The following AZIN2 variants were observed in gnomAD, a reference collection of about 807,000 sequenced individuals.
The protein encoded by AZIN2 is antizyme inhibitor 2.
A neutral mutation model predicts 47.8 loss-of-function variants in AZIN2; 28 were observed. The ratio of observed to expected loss-of-function variants is 0.59; its 90% CI spans 0.43 to 0.80. The LOEUF is 0.80. AZIN2 is among the 30% of genes least tolerant of loss of function. The pLI is 0.00. For synonymous variants in AZIN2, 221 were observed against 239.4 expected, an observed-to-expected ratio of 0.92 and a Z score of 0.71; for missense variants, 535 against 582.5, an observed-to-expected ratio of 0.92 and a Z score of 0.84.
At chr1:33,087,107 C>T (rs1230236580) in intron 5 of AZIN2, among the ~76,000 whole-genome samples, 1 of 151,998 alleles carries the variant, frequency 6.6e-6, no homozygotes, top group Non-Finnish European at 1.5e-5. Flanking sequence ...TAGATAATCA[C>T]CAGGATGGTT....
chr1:33,092,077 G>T lies in AZIN2; in HGVS notation c.307G>T (p.Gly103Ter). The T allele has an allele frequency of 6.2e-7, 1 of 1,614,054 alleles. No individual in the cohort carries two copies. Among genetic ancestry groups the T allele is most frequent in the Non-Finnish European group, 8.5e-7 (1 of 1,179,978 alleles). Residue 103 changes from glycine (G) to a stop codon, truncating the protein, a stop_gained, in exon 6 of 12, where the codon GGA (glycine) becomes TGA (stop). Coordinates refer to ENST00000294517, the MANE Select transcript of AZIN2 (RefSeq NM_052998.4). LOFTEE classifies it high-confidence loss of function. ...AGAGATGGAGTTGGTCCAGCATATTGGAATCCCTGCCAGTAAGATCATCTG... is the reference window on the plus strand; with the variant it reads ...AGAGATGGAGTTGGTCCAGCATATTTGAATCCCTGCCAGTAAGATCATCTG... ...KAEMELVQHI[G>*]IPASKIICAN...
chr1:33,089,741 A>T (rs1274173102), intron 5 of AZIN2, among the ~76,000 whole-genome samples: 12 of 152,252 alleles, frequency 7.9e-5, no homozygotes, highest in Admixed American at 7.9e-4. Flanking sequence ...TGTAGCCAGT[A>T]AATATTTCAT....
the AZIN2 span, chr1:33,142,062 T>A: frequency 1.3e-5 from 2 of 152,308 alleles, no homozygotes; most frequent in Admixed American, 1.3e-4. Flanking sequence ...GAAATAACCG[T>A]GTCCTGATGG....
At chr1:33,109,875 A>T (rs1430635426) in intron 10 of AZIN2, among the ~76,000 whole-genome samples, 1 of 152,142 alleles carries the variant, frequency 6.6e-6, no homozygotes, top group Non-Finnish European at 1.5e-5. Context: ...CAAAACAGTG[A>T]TTATCCAAAT....
the AZIN2 span, among the ~76,000 whole-genome samples, chr1:33,148,498 A>T: frequency 1.3e-5 from 2 of 152,144 alleles, no homozygotes; most frequent in African/African-American, 2.4e-5. Flanking sequence ...GAGACAACCT[A>T]CCTGTATAGG....
At chr1:33,137,043 G>T in the AZIN2 span, among the ~76,000 whole-genome samples, 1 of 151,938 alleles carries the variant, frequency 6.6e-6, no homozygotes, top group African/African-American at 2.4e-5. Flanking sequence ...TGTTGGGAGT[G>T]GGGGAGTGAC....
intron 5 of AZIN2, among the ~76,000 whole-genome samples, chr1:33,088,881 C>A (rs1045957174): frequency 1.3e-5 from 2 of 152,214 alleles, no homozygotes; most frequent in Non-Finnish European, 2.9e-5. Flanking sequence ...CAGCTCTTAA[C>A]CACTTGTAAT....
chr1:33,119,873 C>A, intron 11 of AZIN2, 171 bp from the exon 12 acceptor site: 1 of 776,078 alleles, frequency 1.3e-6, no homozygotes, highest in Admixed American at 2.7e-5. Flanking sequence ...GGGTGGGGAC[C>A]ACACGGGAGT....
At chr1:33,159,932 T>C in the AZIN2 span, 2 of 1,604,284 alleles carry the variant, frequency 1.2e-6, no homozygotes, top group East Asian at 2.2e-5. This position sits in a 1 kb window ranked among gnomAD's most constrained non-coding sequence, Gnocchi z 4.2. Flanking sequence ...GTCCGCAGGC[T>C]CTTGGTGGAA....
chr1:33,121,968 G>T lies in AZIN2; in HGVS notation c.*1786G>T, dbSNP rs556780230. Among the ~76,000 whole-genome samples the T allele has an allele frequency of 6.6e-6, 1 of 152,208 alleles. No individual in the cohort carries two copies. Among genetic ancestry groups the T allele is most frequent in the East Asian group, 1.9e-4 (1 of 5,180 alleles). The stretch of plus-strand genomic sequence containing the variant: ...TTTTCCAGGTGGGATCTAGTTTTCG[G>T]TATCTTGACAATAAATAGGCTGAAA... On this transcript the variant is annotated 3_prime_UTR_variant, in exon 12 of 12. Coordinates refer to ENST00000294517, the MANE Select transcript of AZIN2 (RefSeq NM_052998.4).
intron 5 of AZIN2, among the ~76,000 whole-genome samples, chr1:33,084,416 T>C (rs1365927617): frequency 6.6e-6 from 1 of 152,232 alleles, no homozygotes; most frequent in East Asian, 1.9e-4. Flanking sequence ...CATGATGTTC[T>C]TCTAATTAAA....
At chr1:33,141,658 C>T in the AZIN2 span, among the ~76,000 whole-genome samples, 1 of 152,190 alleles carries the variant, frequency 6.6e-6, no homozygotes, top group Admixed American at 6.5e-5. Flanking sequence ...ACCCTTCCCC[C>T]TCTTCATCTA....
chr1:33,140,465 C>T, the AZIN2 span, among the ~76,000 whole-genome samples: 15 of 152,254 alleles, frequency 9.9e-5, no homozygotes, highest in African/African-American at 2.9e-4. The surrounding 1 kb of genome is among the most constrained non-coding windows in gnomAD (Gnocchi z 4.0). Context: ...CTTTGACCTG[C>T]GGTATGTGGT....
the AZIN2 span, chr1:33,165,848 G>T: frequency 2.2e-4 from 59 of 273,544 alleles, no homozygotes; most frequent in Non-Finnish European, 3.7e-4. The surrounding 1 kb of genome is among the most constrained non-coding windows in gnomAD (Gnocchi z 4.0). Context: ...ACACTCTCTG[G>T]CTCCCCACAC....
chr1:33,160,725 A>G, the AZIN2 span, among the ~76,000 whole-genome samples: 1 of 152,194 alleles, frequency 6.6e-6, no homozygotes, highest in African/African-American at 2.4e-5. Flanking sequence ...TTTTAAAAAA[A>G]TCATTCATGG....
Position 33,120,167 on chromosome 1 carries a change from A to G in AZIN2, c.1368A>G (p.Pro456=). Residue 456 remains proline, a synonymous_variant, in exon 12 of 12, where the codon CCA becomes CCG. Transcript: ENST00000294517. ...TGTGCGTGGGCCCTGTCTTCACCCC[A>G]GCGAGCATCATGTGAGTGGGCCTCG... ...DTLCVGPVFT[P]ASIM 1 of 1,607,984 alleles carries G rather than the reference A, an allele frequency of 6.2e-7. No individual in the cohort carries two copies. The highest frequency in any genetic ancestry group is 8.5e-7 in the Non-Finnish European group (1 of 1,175,176).
Position 33,120,414 on chromosome 1 carries a change from C to T in AZIN2, c.*232C>T, listed in dbSNP as rs530786764. On this transcript the variant is annotated 3_prime_UTR_variant, in exon 12 of 12. Transcript: ENST00000294517. The stretch of plus-strand genomic sequence containing the variant: ...CTTCCAGCTGTGTCTGCCTCCTCTG[C>T]AGTGCAAGGGGCCTGGTCAGCCAGG... The T allele has an allele frequency of 1.7e-5, 10 of 593,264 alleles. No homozygotes were observed. The Admixed American group carries it at 1.7e-4, about 10-fold the overall frequency. The allele number at this position is 593,264 out of a possible 1,614,324, so 36.7% of individuals were successfully genotyped here. A position where few individuals can be genotyped will look rare whatever the true frequency, so the allele number is the denominator to read the frequency against.
At chr1:33,093,502 C>A in intron 7 of AZIN2, 86 bp downstream of exon 7, 1 of 1,505,508 alleles carries the variant, frequency 6.6e-7, no homozygotes, top group Non-Finnish European at 8.9e-7. Context: ...AGACCTTCCC[C>A]AGGGCCTCTG....
At chr1:33,087,508 T>C (rs1557669296) in intron 5 of AZIN2, among the ~76,000 whole-genome samples, 1 of 148,058 alleles carries the variant, frequency 6.8e-6, no homozygotes, top group African/African-American at 2.5e-5. Context: ...GTGATCTCAG[T>C]TCACTGCAAC....
Sources: gnomAD v4.1 joint callset for allele counts (sites outside exome capture counted in the v4.1 genomes callset) on GRCh38, gnomAD v4.1.1 for gene constraint, Gnocchi (gnomAD v3.1) non-coding constraint, MANE v1.5 for transcripts, NCBI Gene and HGNC (gene_info 2026-07-23, HGNC 2026-07-21) for gene names.